Variants in WDR91 observed in about 807,000 individuals in gnomAD.
The protein encoded by WDR91 is WD repeat domain 91, also known as WD repeat-containing protein 91.
Under a neutral mutation model 88.4 loss-of-function variants are expected in WDR91, and 52 were observed. That is an observed-to-expected ratio of 0.59 (90% CI 0.47 to 0.74). The LOEUF is 0.74. WDR91 is among the 30% of genes least tolerant of loss of function. WDR91 has a pLI of 0.00. For missense variants in WDR91, 824 were observed against 954.5 expected (o/e 0.86, Z 1.80); for synonymous variants, 362 against 389.5 (o/e 0.93, Z 0.83).
chr7:135,204,542 A>T, intron 5 of WDR91, 109 bp from the exon 6 acceptor site: 1 of 1,200,152 alleles, frequency 8.3e-7, no homozygotes, highest in Non-Finnish European at 1.2e-6. Flanking sequence ...GGCCTGGGTC[A>T]GGTCCAAGAG....
intron 3 of WDR91, 110 bp downstream of exon 3, chr7:135,208,681 C>G: frequency 4.0e-6 from 4 of 1,005,074 alleles, no homozygotes; most frequent in Non-Finnish European, 5.6e-6. Context: ...TAAAAATGGT[C>G]CCTGGGCATT....
At chr7:135,199,772 A>G (rs11973831) in intron 6 of WDR91, 7,602 of 152,336 alleles carry the variant, frequency 0.05, 251 homozygotes, top group Non-Finnish European at 0.08. Context: ...TGCCTTATTC[A>G]GCCCCTCCAC....
intron 8 of WDR91, among the ~76,000 whole-genome samples, chr7:135,195,425 G>A (rs1831325732): frequency 6.6e-6 from 1 of 152,220 alleles, no homozygotes. Flanking sequence ...GGCCCCAAGA[G>A]CCATCAGGGC....
intron 1 of WDR91, chr7:135,210,985 T>C (rs1585447186): frequency 2.9e-6 from 2 of 695,508 alleles, no homozygotes; most frequent in East Asian, 2.7e-5. Context: ...AGCTAACGTT[T>C]TGGACTGCAG....
chr7:135,191,738 C>T (rs1232955293), intron 11 of WDR91, among the ~76,000 whole-genome samples: 1 of 151,852 alleles, frequency 6.6e-6, no homozygotes, highest in Non-Finnish European at 1.5e-5. Flanking sequence ...TCTGTATAAA[C>T]TGTGATGGGT....
chr7:135,193,526 A>G, intron 10 of WDR91, 52 bp downstream of exon 10: 1 of 1,612,482 alleles, frequency 6.2e-7, no homozygotes, highest in South Asian at 1.1e-5. Flanking sequence ...AGCCCCGCGG[A>G]CCACACTTGG....
At chr7:135,198,297 G>T in intron 6 of WDR91, 146 bp from the exon 7 acceptor site, 1 of 921,098 alleles carries the variant, frequency 1.1e-6, no homozygotes, top group Non-Finnish European at 1.6e-6. Context: ...ATGTAGGTGA[G>T]GTCATAGTCA....
In WDR91 at chr7:135,196,379, C is replaced by T. The variant is rs749164461; in HGVS notation, c.1051-42G>A. ...GGGGACAAGTCAGCCAGGAAAGGGT[C>T]CCCCACACCAGGGTGTACACCGCAG... On this transcript the variant is annotated intron_variant, in intron 7 of 14. Coordinates refer to ENST00000354475, the MANE Select transcript of WDR91 (RefSeq NM_014149.4). The surrounding 1 kb of genome is among the most constrained non-coding windows in gnomAD (Gnocchi z 4.2). The T allele has an allele frequency of 8.2e-5, 121 of 1,478,288 alleles. No individual in the cohort carries two copies. The East Asian group carries it at 3.0e-3, about 37-fold the overall frequency. 91.6% of individuals were successfully genotyped at this position (1,478,288 alleles called of 1,614,324 possible). A position where few individuals can be genotyped will look rare whatever the true frequency, so the allele number is the denominator to read the frequency against.
chr7:135,206,415 A>C, intron 4 of WDR91, among the ~76,000 whole-genome samples: 1 of 19,118 alleles, frequency 5.2e-5, no homozygotes, highest in East Asian at 5.1e-4. Context: ...GGAATGGAAA[A>C]AAAAAAAAAA....
In WDR91 at chr7:135,187,034, C is replaced by T. The variant is rs1437382928; in HGVS notation, c.2017G>A (p.Ala673Thr). 5 of 1,614,214 alleles carry T rather than the reference C, an allele frequency of 3.1e-6. No individual in the cohort carries two copies. The highest frequency in any genetic ancestry group is 2.2e-5 in the East Asian group (1 of 44,886). ...QVQVPRGRLF[A>T]FDSEGNYMLT... is the part of the protein sequence containing the mutation. ...ATGTAATTTCCCTCCGAGTCAAAAG[C>T]GAAGAGTCGGCCCCTGGGGACTTGA... The change falls in exon 14 of 15, where the codon GCT (alanine) becomes ACT (threonine). Residue 673 changes from alanine (A) to threonine (T), a missense_variant. Coordinates refer to ENST00000354475, the MANE Select transcript of WDR91 (RefSeq NM_014149.4).
intron 13 of WDR91, 121 bp downstream of exon 13, chr7:135,188,312 A>G: frequency 1.3e-6 from 1 of 741,858 alleles, no homozygotes; most frequent in Non-Finnish European, 2.4e-6. Flanking sequence ...CCTATTCTAC[A>G]GATAACAAAG....
Position 135,187,062 on chromosome 7 carries a change from C to T in WDR91, c.1989G>A (p.Gln663=), listed in dbSNP as rs1298452671. The stretch of plus-strand genomic sequence containing the variant: ...AGAGTCGGCCCCTGGGGACTTGAAC[C>T]TGCTTGTAGCCGCTGTATCCAGACA... The part of the protein sequence containing the change: ...FVLSGYSGYK[Q]VQVPRGRLFA... Residue 663 remains glutamine (Q), a synonymous_variant, in exon 14 of 15, where the codon CAG becomes CAA. Coordinates refer to ENST00000354475, the MANE Select transcript of WDR91 (RefSeq NM_014149.4). 2 of 1,614,152 alleles carry T rather than the reference C, an allele frequency of 1.2e-6. No individual in the cohort carries two copies. Among genetic ancestry groups the T allele is most frequent in the African/African-American group, 2.7e-5 (2 of 74,950 alleles).
intron 1 of WDR91, among the ~76,000 whole-genome samples, 196 bp downstream of exon 1, chr7:135,211,184 G>A (rs1338595062): frequency 1.3e-5 from 2 of 152,342 alleles, no homozygotes; most frequent in South Asian, 2.1e-4. Context: ...GACTCGGGGG[G>A]CGGCTTCAGG....
rs1205343962 is a variant in WDR91 at position 135,194,845 on chromosome 7, C to T, written c.1395+89G>A. The T allele has an allele frequency of 7.2e-6, 11 of 1,535,948 alleles. No individual in the cohort carries two copies. In the Admixed American group the frequency reaches 1.8e-4, roughly 25 times the overall value. ...AATGGAGAGAAGGGAGGGGAACTGG[C>T]TTGGCTGTCTTGACTCAGCCGGTGG... On this transcript the variant is annotated intron_variant, in intron 9 of 14. Coordinates refer to ENST00000354475, the MANE Select transcript of WDR91 (RefSeq NM_014149.4).
chr7:135,204,188 A>G (rs1831675651), intron 6 of WDR91, 80 bp downstream of exon 6: 1 of 1,544,394 alleles, frequency 6.5e-7, no homozygotes, highest in Non-Finnish European at 8.8e-7. Flanking sequence ...ACAAGTCTAC[A>G]CTTGACCAGG....
At position 135,196,243 on chromosome 7, in the gene WDR91, G is replaced by A. The variant is rs750778049; in HGVS notation, c.1145C>T (p.Ser382Leu). The change falls in exon 8 of 15, where the codon TCG becomes TTG. Residue 382 changes from serine to leucine, a missense_variant. Transcript: ENST00000354475. This position sits in a 1 kb window ranked among gnomAD's most constrained non-coding sequence, Gnocchi z 4.2. ...GACTCCTCCACCCTCAGGGCCTGCC[G>A]AGGATGCCCGAGTCAGTGGCTCCAC... ...EPVEPLTRAS[S>L]AGPEGGGVRP... The A allele has an allele frequency of 1.2e-5, 20 of 1,611,432 alleles. No homozygotes were observed. Among genetic ancestry groups the A allele is most frequent in the East Asian group, 6.7e-5 (3 of 44,596 alleles).
intron 4 of WDR91, among the ~76,000 whole-genome samples, chr7:135,206,724 T>C (rs1403062007): frequency 6.6e-6 from 1 of 151,522 alleles, no homozygotes; most frequent in Non-Finnish European, 1.5e-5. Flanking sequence ...TGTGTGTGTA[T>C]ATATAGTTTA....
intron 9 of WDR91, among the ~76,000 whole-genome samples, chr7:135,194,278 T>C (rs1437104184): frequency 3.3e-5 from 5 of 152,060 alleles, no homozygotes; most frequent in Admixed American, 3.3e-4. Flanking sequence ...TTAGGTAGAG[T>C]GTGACCTCGG....
At chr7:135,195,219 A>G in intron 8 of WDR91, 135 bp from the exon 9 acceptor site, 1 of 838,262 alleles carries the variant, frequency 1.2e-6, no homozygotes. Flanking sequence ...CATTCAAAGG[A>G]CTGGTATAGA....
Sources: allele counts gnomAD v4.1 joint callset (sites outside exome capture counted in the v4.1 genomes callset), GRCh38; gene constraint gnomAD v4.1.1; non-coding constraint Gnocchi (gnomAD v3.1); transcripts MANE v1.5; gene names NCBI Gene and HGNC (gene_info 2026-07-23, HGNC 2026-07-21).